SPACA1: variants seen among roughly 807,000 people sequenced by gnomAD.
SPACA1 encodes the protein sperm acrosome membrane-associated protein 1.
Under a neutral mutation model 32.6 loss-of-function variants are expected in SPACA1, and 17 were observed. The ratio of observed to expected loss-of-function variants is 0.52; its 90% CI spans 0.36 to 0.78. The LOEUF is 0.78. Ranked by LOEUF, SPACA1 falls within the 30% of genes least tolerant of loss-of-function variation. SPACA1 has a pLI of 0.01. For missense variants in SPACA1, 363 were observed against 373.4 expected, an observed-to-expected ratio of 0.97 and a Z score of 0.23; for synonymous variants, 140 against 138.1, an observed-to-expected ratio of 1.01 and a Z score of -0.10.
chr6:88,052,665 C>T (rs148888857), intron 1 of SPACA1, among the ~76,000 whole-genome samples: 30 of 152,046 alleles, frequency 2.0e-4, no homozygotes, highest in African/African-American at 6.8e-4. Context: ...GGTGAAACCC[C>T]GTCTCTACTG....
chr6:88,066,269 T>C lies in SPACA1; in HGVS notation c.819T>C (p.Thr273=), dbSNP rs749897305. The C allele has an allele frequency of 6.2e-7, 1 of 1,612,776 alleles. No individual in the cohort carries two copies. Among genetic ancestry groups the C allele is most frequent in the Non-Finnish European group, 8.5e-7 (1 of 1,179,150 alleles). The part of the protein sequence containing the change: ...EQSSVRYKDS[T]SLDQLPTEMP... ...GTTCTGTGAGATACAAAGATTCAAC[T>C]TCTCTTGACCAATTACCAACAGAAA... Residue 273 remains threonine, a synonymous_variant, in exon 7 of 7, where the codon ACT becomes ACC. Transcript: ENST00000237201.
intron 2 of SPACA1, among the ~76,000 whole-genome samples, chr6:88,054,773 C>T (rs1775782073): frequency 6.6e-6 from 1 of 152,118 alleles, no homozygotes; most frequent in South Asian, 2.1e-4. Flanking sequence ...TCAAAAATTA[C>T]ACCTGAATTG....
intron 1 of SPACA1, 97 bp downstream of exon 1, chr6:88,048,210 G>C: frequency 8.0e-7 from 1 of 1,255,032 alleles, no homozygotes; most frequent in South Asian, 1.5e-5. Context: ...GTGTGTTAAC[G>C]TCAGGAGAGC....
In SPACA1 at chr6:88,059,549, A is replaced by G; in HGVS notation, c.571A>G (p.Ile191Val). 1.2e-6 allele frequency: 2 copies of G among 1,613,638 alleles called. No homozygotes were observed. The highest frequency in any genetic ancestry group is 1.7e-6 in the Non-Finnish European group (2 of 1,179,786). Reference sequence around the variant, plus strand: ...GTGTGACACACTGGATAATAATGAAATAGTAGCAACTATTAAATTCACAGT... The same window carrying G: ...GTGTGACACACTGGATAATAATGAAGTAGTAGCAACTATTAAATTCACAGT... ...FECDTLDNNEIVATIKFTVYT... is the reference protein window; with the variant it reads ...FECDTLDNNEVVATIKFTVYT... The change falls in exon 5 of 7, where the codon ATA becomes GTA. Residue 191 changes from isoleucine to valine, a missense_variant. Transcript: ENST00000237201.
intron 2 of SPACA1, among the ~76,000 whole-genome samples, chr6:88,055,877 A>C (rs1282812453): frequency 6.6e-6 from 1 of 152,206 alleles, no homozygotes; most frequent in Non-Finnish European, 1.5e-5. Flanking sequence ...AGGCTAAGGC[A>C]GGAGAATTGC....
intron 1 of SPACA1, among the ~76,000 whole-genome samples, chr6:88,050,713 A>G (rs144331358): frequency 2.0e-5 from 3 of 152,388 alleles, no homozygotes; most frequent in South Asian, 4.1e-4. Flanking sequence ...TTTCACCATT[A>G]CATTATTTTT....
chr6:88,047,034 A>C (rs73494257), upstream of SPACA1, among the ~76,000 whole-genome samples: 59 of 152,294 alleles, frequency 3.9e-4, no homozygotes, highest in African/African-American at 1.4e-3. Context: ...ACAACAACAA[A>C]CAACCACATT....
Position 88,057,628 on chromosome 6 carries a change from A to T in SPACA1, c.282A>T (p.Glu94Asp). The stretch of plus-strand genomic sequence containing the variant: ...AAACCAAAGGTATTGGTGTTAGAGA[A>T]GTTATATTAACAAATGGATGCCCTG... ...CTVTCGIGVREVILTNGCPGG... is the reference protein window; with the variant it reads ...CTVTCGIGVRDVILTNGCPGG... The change falls in exon 3 of 7, where the codon GAA becomes GAT. Residue 94 changes from glutamate to aspartate, a missense_variant. Transcript: ENST00000237201. 2 of 1,613,762 alleles carry T rather than the reference A, an allele frequency of 1.2e-6. No homozygotes were observed. Among genetic ancestry groups the T allele is most frequent in the Non-Finnish European group, 1.7e-6 (2 of 1,179,672 alleles).
Position 88,048,058 on chromosome 6 carries a change from C to A in SPACA1, c.153C>A (p.Thr51=), listed in dbSNP as rs1467706404. The A allele has an allele frequency of 6.2e-7, 1 of 1,603,812 alleles. No individual in the cohort carries two copies. The highest frequency in any genetic ancestry group is 1.3e-5 in the African/African-American group (1 of 75,008). The change falls in exon 1 of 7, where the codon ACC becomes ACA. Residue 51 remains threonine, a synonymous_variant. Transcript: ENST00000237201. The stretch of plus-strand genomic sequence containing the variant: ...ACGAAGGCGAGGGCGAGGAGGAGAC[C>A]GAAAACAACGACAGCGAGACCGCGG... The part of the protein sequence containing the change: ...LAHEGEGEEE[T]ENNDSETAEN...
chr6:88,053,497 T>C (rs1775761267), intron 1 of SPACA1, among the ~76,000 whole-genome samples: 1 of 152,224 alleles, frequency 6.6e-6, no homozygotes. Context: ...TGAGTAGAAC[T>C]AATCTATAAC....
chr6:88,064,359 G>GAAC, intron 6 of SPACA1, 140 bp downstream of exon 6: 3 of 757,504 alleles, frequency 4.0e-6, no homozygotes, highest in Non-Finnish European at 5.9e-6. Context: ...CATTACTCCT[G>GAAC]TGACTGCCCT....
chr6:88,049,557 C>A (rs1003286160), intron 1 of SPACA1, among the ~76,000 whole-genome samples: 2 of 152,054 alleles, frequency 1.3e-5, no homozygotes, highest in African/African-American at 4.8e-5. Context: ...TTGCACTGTC[C>A]CCTTAACCCT....
intron 5 of SPACA1, among the ~76,000 whole-genome samples, chr6:88,062,174 T>C (rs1775907252): frequency 6.6e-6 from 1 of 152,196 alleles, no homozygotes. Flanking sequence ...TTTAGCGAGA[T>C]CCCTAACTTG....
intron 5 of SPACA1, among the ~76,000 whole-genome samples, chr6:88,062,158 G>A (rs1775906938): frequency 6.6e-6 from 1 of 152,088 alleles, no homozygotes; most frequent in Admixed American, 6.5e-5. Flanking sequence ...AGCATACTTG[G>A]AACTATTTAG....
chr6:88,050,072 A>G (rs751538199), intron 1 of SPACA1, among the ~76,000 whole-genome samples: 1 of 152,246 alleles, frequency 6.6e-6, no homozygotes, highest in Non-Finnish European at 1.5e-5. Context: ...ACTCATTTCT[A>G]CATAATCTTT....
rs751066460 is a variant in SPACA1, at chr6:88,057,677, C to T, written c.331C>T (p.Arg111Trp). The T allele has an allele frequency of 1.8e-5, 29 of 1,613,652 alleles. No homozygotes were observed. The highest frequency in any genetic ancestry group is 2.7e-5 in the African/African-American group (2 of 74,840). ...CPGGESKCVV[R>W]VEECRGPTDC... ...TGGTGGTGAATCCAAGTGTGTTGTA[C>T]GGGTAGAAGAATGCCGTGGACCAAC... The change falls in exon 3 of 7, where the codon CGG becomes TGG. Residue 111 changes from arginine (R) to tryptophan (W), a missense_variant. Arg to Trp is a moderately radical substitution (Grantham distance 101). Coordinates refer to ENST00000237201, the MANE Select transcript of SPACA1 (RefSeq NM_030960.3).
At chr6:88,060,087 T>C (rs952394497) in intron 5 of SPACA1, among the ~76,000 whole-genome samples, 9 of 152,242 alleles carry the variant, frequency 5.9e-5, no homozygotes, top group Non-Finnish European at 1.0e-4. Context: ...AAATGTTTTT[T>C]GATGAAGCAC....
intron 6 of SPACA1, among the ~76,000 whole-genome samples, chr6:88,065,248 TA>T (rs1775962565): frequency 6.7e-6 from 1 of 148,782 alleles, no homozygotes; most frequent in South Asian, 2.1e-4. Context: ...CACATGTATG[TA>T]ATATATATGT....
At chr6:88,056,998 T>C (rs970020529) in intron 2 of SPACA1, among the ~76,000 whole-genome samples, 1 of 152,222 alleles carries the variant, frequency 6.6e-6, no homozygotes, top group Non-Finnish European at 1.5e-5. Context: ...TCATTTATGC[T>C]AAAATGTGAT....
Sources: allele counts gnomAD v4.1 joint callset (sites outside exome capture counted in the v4.1 genomes callset), GRCh38; gene constraint gnomAD v4.1.1; transcripts MANE v1.5; gene names NCBI Gene and HGNC (gene_info 2026-07-23, HGNC 2026-07-21).